The following WASF3 variants were observed in gnomAD, a reference collection of about 807,000 sequenced individuals.
The protein encoded by WASF3 is WASP family member 3.
In WASF3, 11 loss-of-function variants were observed where a neutral mutation model predicts 46.6. The ratio of observed to expected loss-of-function variants is 0.24; its 90% confidence interval spans 0.15 to 0.39. WASF3 has a LOEUF of 0.39. WASF3 is among the 10% of genes least tolerant of loss of function. WASF3 has a pLI of 1.00. For synonymous variants in WASF3, 242 were observed against 259.7 expected (o/e 0.93, Z 0.65); for missense variants, 576 against 669.8 (o/e 0.86, Z 1.55).
In WASF3 at chr13:26,563,654, C is replaced by CAAAAAAAA. The variant is rs34374716; in HGVS notation, c.-109+5852_-109+5859dup. On this transcript the variant is annotated intron_variant, in intron 1 of 9. Coordinates refer to ENST00000335327, the MANE Select transcript of WASF3 (RefSeq NM_006646.6). Reference sequence around the variant, plus strand: ...TGGGCAACAGAGTGAGACTCCATCTCAAAAAAAAAAAAAAAAAAAAAAAAG... The same window carrying CAAAAAAAA: ...TGGGCAACAGAGTGAGACTCCATCTCAAAAAAAAAAAAAAAAAAAAAAAAAAAAAAAAG... Among the ~76,000 whole-genome samples the CAAAAAAAA allele has an allele frequency of 9.6e-4, 45 of 46,774 alleles. 1 individual carries two copies. Among genetic ancestry groups the CAAAAAAAA allele is most frequent in the Admixed American group, 1.2e-3 (4 of 3,248 alleles). The allele number at this position is 46,774 out of a possible 152,430, so 30.7% of individuals were successfully genotyped here. A position where few individuals can be genotyped will look rare whatever the true frequency, so the allele number is the denominator to read the frequency against.
At chr13:26,565,357 T>C (rs915939791) in intron 1 of WASF3, among the ~76,000 whole-genome samples, 1 of 152,080 alleles carries the variant, frequency 6.6e-6, no homozygotes, top group Non-Finnish European at 1.5e-5. Flanking sequence ...TGAGAGAGGT[T>C]GTGGCTGTTG....
chr13:26,668,338 T>C (rs1208478775), intron 5 of WASF3, among the ~76,000 whole-genome samples: 4 of 152,226 alleles, frequency 2.6e-5, no homozygotes, highest in Non-Finnish European at 5.9e-5. Context: ...TTGTCCCATA[T>C]CCCTCTTTCA....
At chr13:26,596,267 C>T (rs1226238914) in intron 1 of WASF3, among the ~76,000 whole-genome samples, 8 of 151,480 alleles carry the variant, frequency 5.3e-5, no homozygotes, top group African/African-American at 1.5e-4. Context: ...GCTTATTTGC[C>T]GTCTGTATAT....
At chr13:26,629,426 T>C (rs1444355872) in intron 2 of WASF3, among the ~76,000 whole-genome samples, 2 of 152,206 alleles carry the variant, frequency 1.3e-5, no homozygotes, top group Non-Finnish European at 2.9e-5. Context: ...AGCTACGCGG[T>C]GTCATGAACT....
chr13:26,673,958 C>T (rs1416366715), intron 6 of WASF3, among the ~76,000 whole-genome samples: 2 of 151,878 alleles, frequency 1.3e-5, no homozygotes, highest in African/African-American at 2.4e-5. Context: ...GAAGGTGCTA[C>T]GGGGAGGCTG....
Position 26,682,654 on chromosome 13 carries a change from C to T in WASF3, c.1031C>T (p.Pro344Leu). Residue 344 changes from proline (P) to leucine (L), a missense_variant, in exon 9 of 10, where the codon CCT becomes CTT. Around this residue, in one of 3 missense-constraint regions of WASF3, gnomAD observed 295 missense variants for 291.5 expected, o/e 1.01. Coordinates refer to ENST00000335327, the MANE Select transcript of WASF3 (RefSeq NM_006646.6). The surrounding 1 kb of genome is among the most constrained non-coding windows in gnomAD (Gnocchi z 4.4). Reference protein sequence around the residue: ...IIEYYNPSGPPPPPPPPVIPS... With the variant: ...IIEYYNPSGPLPPPPPPVIPS... ...GAGTATTACAACCCATCCGGACCAC[C>T]TCCTCCGCCACCTCCTCCTGTGATT... The T allele has an allele frequency of 6.2e-7, 1 of 1,614,166 alleles. No individual in the cohort carries two copies. The highest frequency in any genetic ancestry group is 1.1e-5 in the South Asian group (1 of 91,082).
rs58096713 is a variant in WASF3, at chr13:26,669,575, G to A, written c.422+1905G>A. 5.5e-3 allele frequency among the ~76,000 whole-genome samples: 833 copies of A among 151,868 alleles called. 10 individuals carry two copies. Among genetic ancestry groups the A allele is most frequent in the African/African-American group, 0.019 (795 of 41,396 alleles). On this transcript the variant is annotated intron_variant, in intron 5 of 9. Transcript: ENST00000335327. ...GTTGTCCAGGCAGGAGTGCAATGGC[G>A]CAGTCTCAGCTCATTGCAGCCTCTG...
At chr13:26,678,221 T>C (rs146882452) in intron 7 of WASF3, among the ~76,000 whole-genome samples, 30 of 152,320 alleles carry the variant, frequency 2.0e-4, no homozygotes, top group African/African-American at 7.2e-4. Flanking sequence ...AGATTATAAC[T>C]CATCATTGTA....
intron 1 of WASF3, among the ~76,000 whole-genome samples, chr13:26,559,089 C>T (rs1303799662): frequency 1.3e-5 from 2 of 152,210 alleles, no homozygotes; most frequent in Non-Finnish European, 2.9e-5. Flanking sequence ...CTTTTATCTG[C>T]TTGAGAGGTT....
chr13:26,677,089 A>C (rs545859602), intron 7 of WASF3, among the ~76,000 whole-genome samples: 70 of 152,314 alleles, frequency 4.6e-4, no homozygotes, highest in Non-Finnish European at 2.5e-4. Flanking sequence ...TTCCTTTGCC[A>C]CTTGGTATCT....
chr13:26,662,337 A>G (rs979256333), intron 3 of WASF3, among the ~76,000 whole-genome samples: 1 of 152,236 alleles, frequency 6.6e-6, no homozygotes, highest in Non-Finnish European at 1.5e-5. Context: ...ATTTTACCAA[A>G]AAGACACATG....
intron 1 of WASF3, among the ~76,000 whole-genome samples, chr13:26,569,510 A>G (rs956216916): frequency 3.3e-5 from 5 of 152,244 alleles, no homozygotes; most frequent in African/African-American, 1.2e-4. Context: ...TATGTTGATT[A>G]GAATCAATAT....
chr13:26,588,114 T>A (rs1880184347), intron 1 of WASF3, among the ~76,000 whole-genome samples: 1 of 152,182 alleles, frequency 6.6e-6, no homozygotes, highest in South Asian at 2.1e-4. Context: ...TAAATAATGT[T>A]CTTAAGCAGA....
At chr13:26,608,941 A>G (rs188042955) in intron 1 of WASF3, among the ~76,000 whole-genome samples, 1 of 152,330 alleles carries the variant, frequency 6.6e-6, no homozygotes, top group African/African-American at 2.4e-5. Context: ...AGTGAAAAGA[A>G]GAACATAGAA....
At chr13:26,571,923 C>T (rs1328180824) in intron 1 of WASF3, among the ~76,000 whole-genome samples, 1 of 152,172 alleles carries the variant, frequency 6.6e-6, no homozygotes, top group African/African-American at 2.4e-5. Flanking sequence ...AGGTTTTGAA[C>T]ATTTCTTATT....
chr13:26,680,958 T>C lies in WASF3; in HGVS notation c.717-96T>C. On this transcript the variant is annotated intron_variant, in intron 7 of 9. Transcript: ENST00000335327. Reference sequence around the variant, plus strand: ...CAAATTAATGTCTGATTTTTGTGTATTAGCAATGTTATTATTCAAATACAT... The same window carrying C: ...CAAATTAATGTCTGATTTTTGTGTACTAGCAATGTTATTATTCAAATACAT... The C allele has an allele frequency of 1.5e-5, 21 of 1,446,108 alleles. No homozygotes were observed. In the South Asian group the frequency reaches 2.8e-4, roughly 19 times the overall value. 89.6% of individuals were successfully genotyped at this position (1,446,108 alleles called of 1,614,324 possible). A position where few individuals can be genotyped will look rare whatever the true frequency, so the allele number is the denominator to read the frequency against.
In WASF3 at chr13:26,682,229, T is replaced by C. The variant is rs183299720; in HGVS notation, c.984-378T>C. Among the ~76,000 whole-genome samples the C allele has an allele frequency of 1.9e-3, 297 of 152,344 alleles. 1 individual carries two copies. Among genetic ancestry groups the C allele is most frequent in the African/African-American group, 6.8e-3 (281 of 41,576 alleles). On this transcript the variant is annotated intron_variant, in intron 8 of 9. Transcript: ENST00000335327. The surrounding 1 kb of genome is among the most constrained non-coding windows in gnomAD (Gnocchi z 4.4). ...TAGAGAATGTAGAAAGCTCCCAATC[T>C]GGTTGACCTTAGGACCCTTAAAAGA... is the stretch of plus-strand genomic sequence containing the variant.
chr13:26,664,115 C>T (rs1162573048), intron 3 of WASF3, among the ~76,000 whole-genome samples: 1 of 152,118 alleles, frequency 6.6e-6, no homozygotes, highest in Non-Finnish European at 1.5e-5. Context: ...GTGAAAGCAG[C>T]GTATAAACTA....
In WASF3 at chr13:26,557,713, C is replaced by G. The variant is rs1297053820; in HGVS notation, c.-215C>G. The G allele has an allele frequency of 1.7e-5, 3 of 180,302 alleles. No homozygotes were observed. Among genetic ancestry groups the G allele is most frequent in the Non-Finnish European group, 2.3e-5 (2 of 87,848 alleles). The allele number at this position is 180,302 out of a possible 1,614,324, so 11.2% of individuals were successfully genotyped here. ...CGGGCCGGAGGCGGCGTCGCTCGCG[C>G]CGCTGCGTGCGGTGTGGTGCGAGGC... On this transcript the variant is annotated 5_prime_UTR_variant, in exon 1 of 10. Coordinates refer to ENST00000335327, the MANE Select transcript of WASF3 (RefSeq NM_006646.6).
Sources: gnomAD v4.1 joint callset for allele counts (sites outside exome capture counted in the v4.1 genomes callset) on GRCh38, gnomAD v4.1.1 for gene constraint, gnomAD v4.1.1 regional missense constraint, Gnocchi (gnomAD v3.1) non-coding constraint, MANE v1.5 for transcripts, NCBI Gene and HGNC (gene_info 2026-07-23, HGNC 2026-07-21) for gene names.